The following PDGFC variants were observed in gnomAD, a reference collection of about 807,000 sequenced individuals.
PDGFC encodes platelet derived growth factor C.
In PDGFC, 12 loss-of-function variants were observed where a neutral mutation model predicts 35.5. That is an observed-to-expected ratio of 0.34 (90% CI 0.22 to 0.55). The LOEUF is 0.55. PDGFC is among the 20% of genes least tolerant of loss of function. The probability of loss-of-function intolerance (pLI) is 0.91; values close to 1 mark genes in which losing one functional copy is unlikely to be tolerated. For missense variants in PDGFC, 322 were observed against 412.4 expected (o/e 0.78, Z 1.90); for synonymous variants, 159 against 148.8 (o/e 1.07, Z -0.50).
intron 2 of PDGFC, among the ~76,000 whole-genome samples, chr4:156,820,518 A>G (rs1579030901): frequency 6.6e-6 from 1 of 152,328 alleles, no homozygotes; most frequent in South Asian, 2.1e-4. Context: ...AGACTACAGT[A>G]TTGTGTGAAC....
chr4:156,789,976 C>CAAAAA (rs750843965), intron 3 of PDGFC, among the ~76,000 whole-genome samples: 94 of 55,590 alleles, frequency 1.7e-3, no homozygotes, highest in East Asian at 6.8e-3. Context: ...GTCTCCATCT[C>CAAAAA]AAAAAAAAAA....
chr4:156,852,637 G>A (rs1729484144), intron 1 of PDGFC, among the ~76,000 whole-genome samples: 1 of 151,980 alleles, frequency 6.6e-6, no homozygotes, highest in Non-Finnish European at 1.5e-5. Flanking sequence ...GAAATCTAAT[G>A]GGATATTACT....
chr4:156,967,695 A>G (rs1732498386), intron 1 of PDGFC: 1 of 152,108 alleles, frequency 6.6e-6, no homozygotes, highest in East Asian at 1.9e-4. Context: ...TTCTGCTACA[A>G]CTCAGAAGCA....
chr4:156,902,422 G>A (rs1291385770), intron 1 of PDGFC, among the ~76,000 whole-genome samples: 1 of 152,014 alleles, frequency 6.6e-6, no homozygotes, highest in Non-Finnish European at 1.5e-5. Context: ...CCTCCTCAGA[G>A]GTAACTTTTG....
At chr4:156,898,838 T>A (rs1730696629) in intron 1 of PDGFC, among the ~76,000 whole-genome samples, 1 of 152,250 alleles carries the variant, frequency 6.6e-6, no homozygotes, top group African/African-American at 2.4e-5. Context: ...TTCTATATTT[T>A]GTAGAGATGG....
At chr4:156,816,717 C>T (rs1224944975) in intron 2 of PDGFC, among the ~76,000 whole-genome samples, 1 of 152,174 alleles carries the variant, frequency 6.6e-6, no homozygotes, top group Non-Finnish European at 1.5e-5. Flanking sequence ...AGAGCCCATG[C>T]TCTTAAGTGC....
chr4:156,898,950 C>A (rs1349918415), intron 1 of PDGFC, among the ~76,000 whole-genome samples: 3 of 152,230 alleles, frequency 2.0e-5, no homozygotes, highest in Admixed American at 2.0e-4. Context: ...AGTCACTGAG[C>A]CCAGCCCCAT....
chr4:156,950,045 CAT>C (rs1732042349), intron 1 of PDGFC, among the ~76,000 whole-genome samples: 1 of 151,920 alleles, frequency 6.6e-6, no homozygotes, highest in African/African-American at 2.4e-5. Context: ...CAGAAACAGT[CAT>C]ATGTTTTAAT....
In PDGFC at chr4:156,771,757, A is replaced by C. The variant is rs1010030234; in HGVS notation, c.703+929T>G. On this transcript the variant is annotated intron_variant, in intron 4 of 5. Coordinates refer to ENST00000502773, the MANE Select transcript of PDGFC (RefSeq NM_016205.3). ...TGCAATCTGCCCTTGTGAATGGCTC[A>C]AATTAACCGAACATTATTCCTTTCA... is the stretch of plus-strand genomic sequence containing the variant. 5.9e-5 allele frequency among the ~76,000 whole-genome samples: 9 copies of C among 152,292 alleles called. No individual in the cohort carries two copies. In the East Asian group the frequency reaches 1.7e-3, roughly 29 times the overall value.
chr4:156,771,555 T>A (rs1357021938), intron 4 of PDGFC, among the ~76,000 whole-genome samples: 1 of 152,136 alleles, frequency 6.6e-6, no homozygotes, highest in Admixed American at 6.6e-5. Flanking sequence ...GAACACTGAT[T>A]TCAAATATTG....
intron 1 of PDGFC, among the ~76,000 whole-genome samples, chr4:156,945,123 A>G (rs1186567485): frequency 6.6e-6 from 1 of 151,774 alleles, no homozygotes; most frequent in Non-Finnish European, 1.5e-5. Context: ...TTACTTATTT[A>G]TATGTTATTT....
chr4:156,862,243 C>T (rs950055534), intron 1 of PDGFC, among the ~76,000 whole-genome samples: 4 of 152,070 alleles, frequency 2.6e-5, no homozygotes, highest in Non-Finnish European at 2.9e-5. Context: ...TAGAGCTGCA[C>T]AGAAGTGTTT....
chr4:156,789,108 T>C (rs371810634), intron 3 of PDGFC, among the ~76,000 whole-genome samples: 1 of 152,204 alleles, frequency 6.6e-6, no homozygotes, highest in East Asian at 1.9e-4. Flanking sequence ...TACTTTTGTT[T>C]TATTGAATCC....
intron 1 of PDGFC, among the ~76,000 whole-genome samples, chr4:156,920,904 C>A (rs981517748): frequency 6.6e-6 from 1 of 152,004 alleles, no homozygotes; most frequent in Non-Finnish European, 1.5e-5. Context: ...TTGTTACAGA[C>A]CGAAAGTTAA....
chr4:156,902,191 T>C (rs1730805130), intron 1 of PDGFC, among the ~76,000 whole-genome samples: 1 of 152,238 alleles, frequency 6.6e-6, no homozygotes, highest in African/African-American at 2.4e-5. Context: ...AACCGCTGTC[T>C]TCTACATATC....
At chr4:156,922,154 TAGTGTGTG>T (rs1560874360) in intron 1 of PDGFC, among the ~76,000 whole-genome samples, 3 of 86,506 alleles carry the variant, frequency 3.5e-5, no homozygotes, top group Admixed American at 1.4e-4. Context: ...CAAGGATTCA[TAGTGTGTG>T]TGTGTGTGTG....
chr4:156,862,582 TC>T (rs1194535745), intron 1 of PDGFC, among the ~76,000 whole-genome samples: 6 of 152,196 alleles, frequency 3.9e-5, no homozygotes, highest in African/African-American at 1.4e-4. Flanking sequence ...CAACACACTT[TC>T]AGAGAATGGA....
intron 1 of PDGFC, among the ~76,000 whole-genome samples, chr4:156,913,455 T>A (rs1277311265): frequency 6.6e-6 from 1 of 152,220 alleles, no homozygotes; most frequent in East Asian, 1.9e-4. Flanking sequence ...GTGATGCAAC[T>A]GGAACAGTGA....
chr4:156,920,790 T>C (rs747480509), intron 1 of PDGFC, among the ~76,000 whole-genome samples: 65 of 152,300 alleles, frequency 4.3e-4, no homozygotes, highest in Non-Finnish European at 6.6e-4. Flanking sequence ...CCAACCTTTT[T>C]CTACTTTTCT....
Sources: gnomAD v4.1 joint callset for allele counts (sites outside exome capture counted in the v4.1 genomes callset) on GRCh38, gnomAD v4.1.1 for gene constraint, MANE v1.5 for transcripts, NCBI Gene and HGNC (gene_info 2026-07-23, HGNC 2026-07-21) for gene names.